Variants in HSD17B12 observed in about 807,000 individuals in gnomAD.
The protein encoded by HSD17B12 is very-long-chain 3-oxoacyl-CoA reductase.
A neutral mutation model predicts 39.3 loss-of-function variants in HSD17B12; 32 were observed. The observed-to-expected ratio is 0.81, with a 90% CI of 0.61 to 1.09. The LOEUF is 1.09. Ranked by LOEUF, HSD17B12 falls within the 50% of genes least tolerant of loss-of-function variation. HSD17B12 has a pLI of 0.00. For synonymous variants in HSD17B12, 150 were observed against 146.7 expected, an observed-to-expected ratio of 1.02 and a Z score of -0.16; for missense variants, 342 against 382.9, an observed-to-expected ratio of 0.89 and a Z score of 0.89.
chr11:43,720,003 G>T (rs1359063670), intron 1 of HSD17B12, among the ~76,000 whole-genome samples: 1 of 152,216 alleles, frequency 6.6e-6, no homozygotes, highest in African/African-American at 2.4e-5. Context: ...GGACAGAACT[G>T]TCTTTACTTT....
chr11:43,670,330 G>A, the HSD17B12 span: 2 of 152,126 alleles, frequency 1.3e-5, no homozygotes. Flanking sequence ...AGCATATCAT[G>A]CTTTTTAAAT....
At chr11:43,661,282 T>A in the HSD17B12 span, among the ~76,000 whole-genome samples, 1 of 152,174 alleles carries the variant, frequency 6.6e-6, no homozygotes, top group Admixed American at 6.5e-5. Flanking sequence ...GACAGCAGAA[T>A]CAGTGGTTAT....
intron 9 of HSD17B12, chr11:43,854,132 A>G (rs1445760326): frequency 1.3e-5 from 2 of 152,298 alleles, no homozygotes; most frequent in Admixed American, 6.5e-5. Flanking sequence ...CTTCTAAAAA[A>G]GAAAAAAAGG....
chr11:43,755,312 C>T (rs1950499014), intron 3 of HSD17B12: 1 of 154,702 alleles, frequency 6.5e-6, no homozygotes, highest in African/African-American at 2.4e-5. Context: ...GAAATCTGCT[C>T]TCCTGATTGT....
rs1244958550 is a variant in HSD17B12, at chr11:43,854,793, T to A, written c.763T>A (p.Phe255Ile). 1.9e-6 allele frequency: 3 copies of A among 1,614,144 alleles called. No individual in the cohort carries two copies. Among genetic ancestry groups the A allele is most frequent in the Non-Finnish European group, 2.5e-6 (3 of 1,180,014 alleles). Residue 255 changes from phenylalanine to isoleucine, a missense_variant, in exon 10 of 11, where the codon TTT becomes ATT. Transcript: ENST00000278353. ...PTLDKPSPETFVKSAIKTVGL... is the reference protein window; with the variant it reads ...PTLDKPSPETIVKSAIKTVGL... ...TTTGGATAAGCCCTCTCCGGAGACG[T>A]TTGTGAAGTCTGCAATTAAAACAGT...
chr11:43,633,092 A>G, the HSD17B12 span, among the ~76,000 whole-genome samples: 1 of 152,214 alleles, frequency 6.6e-6, no homozygotes, highest in Non-Finnish European at 1.5e-5. Context: ...TAGTGTAACC[A>G]TCACCCATAA....
intron 1 of HSD17B12, among the ~76,000 whole-genome samples, chr11:43,683,728 T>C (rs1949772848): frequency 6.6e-6 from 1 of 152,200 alleles, no homozygotes; most frequent in Non-Finnish European, 1.5e-5. Context: ...ATCTACTTTC[T>C]AGTACTAATA....
chr11:43,678,131 G>A (rs1360081015), upstream of HSD17B12, among the ~76,000 whole-genome samples: 1 of 152,164 alleles, frequency 6.6e-6, no homozygotes, highest in Non-Finnish European at 1.5e-5. Flanking sequence ...CATTCTAACT[G>A]GTATGAGATG....
intron 6 of HSD17B12, among the ~76,000 whole-genome samples, chr11:43,829,311 CAT>C (rs1951283817): frequency 6.6e-6 from 1 of 152,064 alleles, no homozygotes; most frequent in Non-Finnish European, 1.5e-5. Flanking sequence ...AGTTTTAATT[CAT>C]ATATATAAAG....
At chr11:43,772,499 G>C (rs1049110526) in intron 3 of HSD17B12, among the ~76,000 whole-genome samples, 1 of 152,138 alleles carries the variant, frequency 6.6e-6, no homozygotes, top group African/African-American at 2.4e-5. Context: ...CTTTTGCAAG[G>C]AGGGCTTAAT....
At position 43,680,763 on chromosome 11, in the gene HSD17B12, C is replaced by G; in HGVS notation, c.-65C>G. ...GTCATCCTCACCGTCACGGCCGGCG[C>G]CTCCTCCTGGATTCATTCACTCGCT... On this transcript the variant is annotated 5_prime_UTR_variant, in exon 1 of 11. Transcript: ENST00000278353. The G allele has an allele frequency of 6.9e-7, 1 of 1,453,164 alleles. No homozygotes were observed. Among genetic ancestry groups the G allele is most frequent in the Non-Finnish European group, 9.7e-7 (1 of 1,034,358 alleles). 90.0% of individuals were successfully genotyped at this position (1,453,164 alleles called of 1,614,324 possible).
the HSD17B12 span, among the ~76,000 whole-genome samples, chr11:43,572,231 C>G: frequency 6.6e-6 from 1 of 152,154 alleles, no homozygotes; most frequent in Non-Finnish European, 1.5e-5. Context: ...AGGCAAATCC[C>G]TTGAGTTTTG....
chr11:43,820,046 T>C (rs150098354), intron 6 of HSD17B12, among the ~76,000 whole-genome samples: 2 of 152,268 alleles, frequency 1.3e-5, no homozygotes, highest in Non-Finnish European at 2.9e-5. Flanking sequence ...GCAATGTAGT[T>C]AACATTGCTT....
the HSD17B12 span, among the ~76,000 whole-genome samples, chr11:43,673,570 G>T: frequency 1.9e-3 from 250 of 134,902 alleles, no homozygotes; most frequent in African/African-American, 6.7e-3. Flanking sequence ...TCAGCTCACT[G>T]CATCCTCCGC....
intron 4 of HSD17B12, among the ~76,000 whole-genome samples, chr11:43,808,307 A>G (rs1411517693): frequency 1.3e-5 from 2 of 148,438 alleles, no homozygotes; most frequent in Non-Finnish European, 3.0e-5. Flanking sequence ...TTTTTTTTTT[A>G]ATGTGCTAGG....
At chr11:43,835,245 A>T (rs1951357849) in intron 7 of HSD17B12, among the ~76,000 whole-genome samples, 1 of 152,128 alleles carries the variant, frequency 6.6e-6, no homozygotes, top group Non-Finnish European at 1.5e-5. Context: ...CAGAGTTGTC[A>T]TGAGTCTGGC....
the HSD17B12 span, among the ~76,000 whole-genome samples, chr11:43,561,658 C>T: frequency 6.6e-6 from 1 of 151,990 alleles, no homozygotes; most frequent in Non-Finnish European, 1.5e-5. Context: ...TCCTTTCTAG[C>T]CTGTTCCTTC....
chr11:43,769,579 C>G (rs565462449), intron 3 of HSD17B12, among the ~76,000 whole-genome samples: 185 of 152,244 alleles, frequency 1.2e-3, no homozygotes, highest in African/African-American at 4.3e-3. Context: ...TCCAGTTTTC[C>G]TTTATGGTAT....
intron 1 of HSD17B12, among the ~76,000 whole-genome samples, chr11:43,742,140 T>TATATATATATATATA (rs1554964313): frequency 2.0e-5 from 1 of 50,916 alleles, no homozygotes; most frequent in African/African-American, 5.4e-5. Context: ...TATATATATA[T>TATATATATATATATA]TTTTTTTTTT....
Sources: allele counts gnomAD v4.1 joint callset (sites outside exome capture counted in the v4.1 genomes callset), GRCh38; gene constraint gnomAD v4.1.1; transcripts MANE v1.5; gene names NCBI Gene and HGNC (gene_info 2026-07-23, HGNC 2026-07-21).